Variants in WDR27 observed in about 807,000 individuals in gnomAD.
WDR27 encodes the protein WD repeat domain 27.
In WDR27, 100 loss-of-function variants were observed where a neutral mutation model predicts 114.4. The observed-to-expected ratio is 0.87, with a 90% CI of 0.74 to 1.03. WDR27 has a LOEUF of 1.03. WDR27 is among the 50% of genes least tolerant of loss of function. The pLI is 0.00. For synonymous variants in WDR27, 449 were observed against 423.1 expected (o/e 1.06, Z -0.75); for missense variants, 1,129 against 1,092.9 (o/e 1.03, Z -0.47).
intron 25 of WDR27, among the ~76,000 whole-genome samples, chr6:169,537,092 A>C (rs984978468): frequency 6.6e-6 from 1 of 152,102 alleles, no homozygotes; most frequent in Non-Finnish European, 1.5e-5. Flanking sequence ...ATCCTCATAT[A>C]ACAGAGACGC....
In WDR27 at chr6:169,495,617, A is replaced by T. The variant is rs192028125; in HGVS notation, c.2646-37983T>A. 8.4e-4 allele frequency among the ~76,000 whole-genome samples: 128 copies of T among 152,244 alleles called. 1 individual carries two copies. The highest frequency in any genetic ancestry group is 2.8e-3 in the African/African-American group (117 of 41,580). On this transcript the variant is annotated intron_variant, in intron 25 of 25. Transcript: ENST00000448612. ...AATAACAACTGATGCTACAAAAATA[A>T]AAAGCATTATAAGAGAGCAGCACTA...
intron 1 of WDR27, among the ~76,000 whole-genome samples, chr6:169,699,774 G>A (rs1159059482): frequency 2.0e-5 from 3 of 152,130 alleles, no homozygotes; most frequent in Non-Finnish European, 4.4e-5. Flanking sequence ...TTGAGCCCAG[G>A]AGTTCAAGAC....
intron 16 of WDR27, among the ~76,000 whole-genome samples, chr6:169,645,023 TAAAAAAAAAAAATA>T (rs1820214490): frequency 2.1e-5 from 1 of 46,982 alleles, no homozygotes; most frequent in Admixed American, 2.9e-4. Flanking sequence ...AAAAAAAAAA[TAAAAAAAAAAAATA>T]AAAAAAAAAA....
intron 25 of WDR27, among the ~76,000 whole-genome samples, chr6:169,520,206 C>A (rs979345582): frequency 2.0e-5 from 3 of 152,054 alleles, no homozygotes; most frequent in African/African-American, 2.4e-5. Context: ...CTCCCCAGGG[C>A]ATGAACCCAT....
intron 23 of WDR27, among the ~76,000 whole-genome samples, chr6:169,585,071 CT>C (rs755509601): frequency 2.6e-5 from 4 of 152,132 alleles, no homozygotes; most frequent in Non-Finnish European, 5.9e-5. Context: ...AGGATAATCT[CT>C]TTAATAAATG....
intron 21 of WDR27, among the ~76,000 whole-genome samples, chr6:169,625,344 C>A (rs1208912359): frequency 6.6e-6 from 1 of 152,238 alleles, no homozygotes; most frequent in Non-Finnish European, 1.5e-5. Context: ...TCCGACTGCA[C>A]TGATGAGCCC....
chr6:169,652,050 T>C (rs1822730986), intron 13 of WDR27, 42 bp from the exon 14 acceptor site: 1 of 1,574,994 alleles, frequency 6.3e-7, no homozygotes, highest in Admixed American at 1.7e-5. Context: ...ACACTTAAAA[T>C]TAGCATCTCA....
chr6:169,630,894 A>AAATCAATC (rs58568284), intron 21 of WDR27, among the ~76,000 whole-genome samples: 323 of 151,650 alleles, frequency 2.1e-3, no homozygotes, highest in African/African-American at 7.3e-3. Flanking sequence ...ATTCCATCTC[A>AAATCAATC]AATCAATCAA....
intron 23 of WDR27, among the ~76,000 whole-genome samples, chr6:169,595,079 T>A (rs1171501693): frequency 6.6e-6 from 1 of 152,206 alleles, no homozygotes; most frequent in Non-Finnish European, 1.5e-5. Flanking sequence ...GGCAAGAGGA[T>A]GGATTGAGAC....
At position 169,659,506 on chromosome 6, in the gene WDR27, A is replaced by T; in HGVS notation, c.1142T>A (p.Leu381His). The change falls in exon 11 of 26, where the codon CTC becomes CAC. Residue 381 changes from leucine (L) to histidine (H), a missense_variant. Coordinates refer to ENST00000448612, the MANE Select transcript of WDR27 (RefSeq NM_182552.5). The surrounding 1 kb of genome is among the most constrained non-coding windows in gnomAD (Gnocchi z 4.3). ...ACACGATCCGGCCAGCAGGATGCTG[A>T]GGCTCTGGAAATCTTCAGTTGAGCG... ...AALYYKDFQS[L>H]SILLAGSCAL... 6.2e-7 allele frequency: 1 copy of T among 1,609,538 alleles called. No homozygotes were observed. Among genetic ancestry groups the T allele is most frequent in the South Asian group, 1.1e-5 (1 of 89,970 alleles).
At chr6:169,551,647 G>A (rs1488029917) in intron 25 of WDR27, among the ~76,000 whole-genome samples, 2 of 146,894 alleles carry the variant, frequency 1.4e-5, no homozygotes, top group Admixed American at 1.4e-4. Context: ...TGAGGCAGGA[G>A]AATCACTTGA....
intron 19 of WDR27, among the ~76,000 whole-genome samples, chr6:169,635,069 A>C (rs536401446): frequency 6.6e-6 from 1 of 152,164 alleles, no homozygotes; most frequent in Non-Finnish European, 1.5e-5. Flanking sequence ...CCTCCCAGTA[A>C]GTAAAAATAA....
At chr6:169,593,305 G>A (rs963805434) in intron 23 of WDR27, among the ~76,000 whole-genome samples, 5 of 152,124 alleles carry the variant, frequency 3.3e-5, no homozygotes, top group African/African-American at 7.2e-5. Context: ...TTTCTTCTAC[G>A]AAAAGTGGCC....
intron 9 of WDR27, among the ~76,000 whole-genome samples, chr6:169,661,509 G>T (rs1562856357): frequency 6.6e-6 from 1 of 152,170 alleles, no homozygotes. Flanking sequence ...CAGCACCCTG[G>T]GCTCCTCCTG....
At chr6:169,654,973 C>G (rs1432198704) in intron 13 of WDR27, among the ~76,000 whole-genome samples, 1 of 152,188 alleles carries the variant, frequency 6.6e-6, no homozygotes, top group Non-Finnish European at 1.5e-5. Flanking sequence ...TAGGTAACCC[C>G]CAACACAGCC....
At chr6:169,618,643 A>AAAC (rs1554317415) in intron 21 of WDR27, among the ~76,000 whole-genome samples, 5 of 148,862 alleles carry the variant, frequency 3.4e-5, no homozygotes, top group Non-Finnish European at 7.4e-5. Context: ...AAAAAAAAAA[A>AAAC]AAAAAACATT....
the WDR27 span, among the ~76,000 whole-genome samples, chr6:169,430,893 C>T: frequency 1.3e-5 from 2 of 152,154 alleles, no homozygotes; most frequent in African/African-American, 4.8e-5. Context: ...CTCTCAAGTG[C>T]CTACTATGAA....
At chr6:169,616,510 G>A (rs960381570) in intron 21 of WDR27, among the ~76,000 whole-genome samples, 3 of 151,814 alleles carry the variant, frequency 2.0e-5, no homozygotes, top group Non-Finnish European at 4.4e-5. Flanking sequence ...AGAAGAAGAA[G>A]AAGAAACTGA....
chr6:169,477,213 G>T (rs1787300105), intron 25 of WDR27, among the ~76,000 whole-genome samples: 1 of 152,186 alleles, frequency 6.6e-6, no homozygotes, highest in Admixed American at 6.5e-5. Flanking sequence ...TGCATTTTAA[G>T]AGCACAGTTG....
Sources: allele counts gnomAD v4.1 joint callset (sites outside exome capture counted in the v4.1 genomes callset), GRCh38; gene constraint gnomAD v4.1.1; non-coding constraint Gnocchi (gnomAD v3.1); transcripts MANE v1.5; gene names NCBI Gene and HGNC (gene_info 2026-07-23, HGNC 2026-07-21).